Variants in HMCN1 observed in about 807,000 individuals in gnomAD.
HMCN1 encodes hemicentin 1.
A neutral mutation model predicts 625.9 loss-of-function variants in HMCN1; 321 were observed. That is an observed-to-expected ratio of 0.51 (90% CI 0.47 to 0.56). The LOEUF is 0.56. HMCN1 is among the 20% of genes least tolerant of loss of function. HMCN1 has a pLI of 0.00. For synonymous variants in HMCN1, 2,425 were observed against 2,417.6 expected, an observed-to-expected ratio of 1.00 and a Z score of -0.09; for missense variants, 6,588 against 6,887.3, an observed-to-expected ratio of 0.96 and a Z score of 1.54.
At chr1:186,098,320 G>A (rs1394524762) in intron 68 of HMCN1, among the ~76,000 whole-genome samples, 4 of 151,774 alleles carry the variant, frequency 2.6e-5, no homozygotes, top group East Asian at 3.9e-4. Flanking sequence ...GTTAATATCC[G>A]ATATATGTAA....
intron 96 of HMCN1, 52 bp downstream of exon 96, chr1:186,152,923 G>GAA: frequency 6.2e-7 from 1 of 1,607,320 alleles, no homozygotes; most frequent in South Asian, 1.1e-5. Context: ...AATGATGAGT[G>GAA]AAAGGTCCAT....
intron 2 of HMCN1, among the ~76,000 whole-genome samples, chr1:185,859,840 T>A (rs549016917): frequency 2.6e-4 from 39 of 151,990 alleles, no homozygotes; most frequent in East Asian, 3.9e-4. Flanking sequence ...ATTTTTTTTT[T>A]AATTTTTTAT....
In HMCN1 at chr1:186,018,217, G is replaced by A. The variant is rs1654488505; in HGVS notation, c.5335G>A (p.Asp1779Asn). 1 of 1,612,802 alleles carries A rather than the reference G, an allele frequency of 6.2e-7. No homozygotes were observed. The highest frequency in any genetic ancestry group is 8.5e-7 in the Non-Finnish European group (1 of 1,179,048). ...LKDGQLIDER[D>N]GFKILLNGRK... The stretch of plus-strand genomic sequence containing the variant: ...GGATGGCCAGTTAATTGATGAAAGG[G>A]ATGGATTCAAGATTTTATTAAATGG... The change falls in exon 34 of 107, where the codon GAT becomes AAT. Residue 1779 changes from aspartate (D) to asparagine (N), a missense_variant. Coordinates refer to ENST00000271588, the MANE Select transcript of HMCN1 (RefSeq NM_031935.3).
intron 89 of HMCN1, 25 bp from the exon 90 acceptor site, chr1:186,144,148 C>A (rs2102553233): frequency 6.4e-7 from 1 of 1,561,698 alleles, no homozygotes; most frequent in Non-Finnish European, 8.6e-7. Flanking sequence ...CTGTGACTTG[C>A]AACTGTCTTT....
At chr1:186,015,677 G>C (rs879853437) in intron 31 of HMCN1, among the ~76,000 whole-genome samples, 3 of 152,032 alleles carry the variant, frequency 2.0e-5, no homozygotes, top group African/African-American at 7.2e-5. Context: ...AGACAATTTG[G>C]CTATTACTGA....
intron 86 of HMCN1, among the ~76,000 whole-genome samples, chr1:186,133,452 A>G (rs1184827386): frequency 6.6e-6 from 1 of 152,182 alleles, no homozygotes; most frequent in Admixed American, 6.5e-5. Context: ...TCATCGGAAA[A>G]CAGAGCATCC....
intron 100 of HMCN1, among the ~76,000 whole-genome samples, chr1:186,167,695 G>C (rs965066364): frequency 3.3e-5 from 5 of 152,114 alleles, no homozygotes; most frequent in Non-Finnish European, 5.9e-5. Context: ...TGTCTTTGTG[G>C]TTTTGCCTTT....
intron 34 of HMCN1, among the ~76,000 whole-genome samples, chr1:186,019,109 T>C (rs1654551265): frequency 6.6e-6 from 1 of 152,064 alleles, no homozygotes; most frequent in African/African-American, 2.4e-5. Flanking sequence ...GGAGGAAATC[T>C]GGCAGTCCCA....
intron 1 of HMCN1, among the ~76,000 whole-genome samples, chr1:185,753,795 G>T (rs1295685097): frequency 2.0e-5 from 3 of 152,166 alleles, no homozygotes; most frequent in Non-Finnish European, 4.4e-5. Context: ...GGATGTGGTG[G>T]ATAGGGAATC....
rs1558130867 is a variant in HMCN1, at chr1:186,000,117, T to G, written c.3947T>G (p.Ile1316Ser). ...ACAGGCAGAGAGCCTGGCATTTCTA[T>G]CTTGGAAGATGGCACATTGCTGGTT... is the stretch of plus-strand genomic sequence containing the variant. ...ELTGREPGIS[I>S]LEDGTLLVIA... The change falls in exon 26 of 107, where the codon ATC becomes AGC. Residue 1316 changes from isoleucine to serine, a missense_variant. By Grantham distance (142) the Ile-to-Ser change is moderately radical (BLOSUM62 -2). Transcript: ENST00000271588. The G allele has an allele frequency of 6.2e-7, 1 of 1,613,178 alleles. No homozygotes were observed. Among genetic ancestry groups the G allele is most frequent in the Non-Finnish European group, 8.5e-7 (1 of 1,179,362 alleles).
At chr1:185,779,989 T>C (rs1336734267) in intron 1 of HMCN1, among the ~76,000 whole-genome samples, 9 of 152,248 alleles carry the variant, frequency 5.9e-5, no homozygotes, top group Non-Finnish European at 1.3e-4. Context: ...GCATGGAATG[T>C]TCTTCCATTT....
chr1:186,155,235 AATCTGGAAGTAC>A (rs1477424277), intron 97 of HMCN1, among the ~76,000 whole-genome samples: 1 of 152,192 alleles, frequency 6.6e-6, no homozygotes, highest in Non-Finnish European at 1.5e-5. Flanking sequence ...AGATCATAGT[AATCTGGAAGTAC>A]AAGCACACAT....
intron 1 of HMCN1, among the ~76,000 whole-genome samples, chr1:185,837,556 TA>T (rs1661242634): frequency 6.6e-6 from 1 of 152,132 alleles, no homozygotes; most frequent in Non-Finnish European, 1.5e-5. Context: ...TTGCTATATT[TA>T]TTTCTGTCAG....
At chr1:186,055,711 CT>C in intron 45 of HMCN1, 37 bp downstream of exon 45, 1 of 1,592,082 alleles carries the variant, frequency 6.3e-7, no homozygotes, top group Non-Finnish European at 8.6e-7. Flanking sequence ...CATTCACTGG[CT>C]AACGTAATCT....
rs776053732 is a variant in HMCN1, at chr1:185,846,014, T to G, written c.269-12T>G. 5 of 1,578,170 alleles carry G rather than the reference T, an allele frequency of 3.2e-6. No homozygotes were observed. Among genetic ancestry groups the G allele is most frequent in the Non-Finnish European group, 4.4e-6 (5 of 1,147,602 alleles). On this transcript the variant is annotated splice_polypyrimidine_tract_variant and intron_variant, in intron 1 of 106. Coordinates refer to ENST00000271588, the MANE Select transcript of HMCN1 (RefSeq NM_031935.3). The stretch of plus-strand genomic sequence containing the variant: ...TACTGTTTATTGACCTATGTTATTT[T>G]TATCTTCACAGAAATTGGCCCAGTG...
rs114719353 is a variant in HMCN1 at position 185,760,995 on chromosome 1, A to G, written c.268+25948A>G. Among the ~76,000 whole-genome samples the G allele has an allele frequency of 5.7e-3, 869 of 152,010 alleles. 3 individuals are homozygous for G. The highest frequency in any genetic ancestry group is 0.02 in the African/African-American group (834 of 41,446). ...GAAGTTGTAATCATTATATTCTCTT[A>G]TTTTCCTTTTATTTATTAATTTCTC... On this transcript the variant is annotated intron_variant, in intron 1 of 106. Transcript: ENST00000271588.
chr1:186,036,124 C>T (rs1049678112), intron 36 of HMCN1, among the ~76,000 whole-genome samples: 9 of 152,072 alleles, frequency 5.9e-5, no homozygotes, highest in African/African-American at 1.7e-4. Context: ...TGTCAGAAAT[C>T]GATGTCAAAT....
intron 100 of HMCN1, among the ~76,000 whole-genome samples, chr1:186,169,665 T>C (rs1312276937): frequency 6.6e-6 from 1 of 152,082 alleles, no homozygotes; most frequent in African/African-American, 2.4e-5. Flanking sequence ...CCTTACACCT[T>C]ATACAGAAAT....
chr1:185,916,693 A>G (rs1035113894), intron 6 of HMCN1, among the ~76,000 whole-genome samples: 1 of 152,230 alleles, frequency 6.6e-6, no homozygotes. Flanking sequence ...TCTATCAGTC[A>G]AATTTTAATT....
Sources: allele counts gnomAD v4.1 joint callset (sites outside exome capture counted in the v4.1 genomes callset), GRCh38; gene constraint gnomAD v4.1.1; transcripts MANE v1.5; gene names NCBI Gene and HGNC (gene_info 2026-07-23, HGNC 2026-07-21).